Variants in ABR observed in about 807,000 individuals in gnomAD.
ABR encodes the protein ABR activator of RhoGEF and GTPase.
In ABR, 35 loss-of-function variants were observed where a neutral mutation model predicts 107.2. The ratio of observed to expected loss-of-function variants is 0.33; its 90% CI spans 0.25 to 0.43. The LOEUF (loss-of-function observed/expected upper bound fraction) is 0.43, where lower values mean the gene tolerates loss of function less well. Among genes scored for constraint, ABR ranks in the 20% least tolerant of loss-of-function variants. The pLI is 1.00. For missense variants in ABR, 815 were observed against 1,115.2 expected (o/e 0.73, Z 3.83); for synonymous variants, 498 against 462.0 (o/e 1.08, Z -1.00).
intron 1 of ABR, among the ~76,000 whole-genome samples, chr17:1,214,594 G>A (rs1162157014): frequency 1.3e-5 from 2 of 152,044 alleles, no homozygotes; most frequent in East Asian, 3.9e-4. Flanking sequence ...CTGACGTCAG[G>A]AGTTCGAGAC....
Position 1,084,102 on chromosome 17 carries a change from G to A in ABR, c.532-475C>T, listed in dbSNP as rs1387276506. On this transcript the variant is annotated intron_variant, in intron 4 of 22. Transcript: ENST00000302538. The surrounding 1 kb of genome is among the most constrained non-coding windows in gnomAD (Gnocchi z 4.2). Reference sequence around the variant, plus strand: ...GCAGCGTGGGGAACGACATTTAAAGGTGCTGTCTTGGCCGGGCGTGGCGGC... The same window carrying A: ...GCAGCGTGGGGAACGACATTTAAAGATGCTGTCTTGGCCGGGCGTGGCGGC... Among the ~76,000 whole-genome samples, 1 of 152,190 alleles carries A rather than the reference G, an allele frequency of 6.6e-6. No individual in the cohort carries two copies. The highest frequency in any genetic ancestry group is 6.5e-5 in the Admixed American group (1 of 15,276).
intron 22 of ABR, among the ~76,000 whole-genome samples, chr17:1,006,778 C>A (rs2241929): frequency 1.6e-5 from 2 of 126,746 alleles, no homozygotes; most frequent in East Asian, 2.3e-4. Context: ...AGGGTACCTG[C>A]GCCATGACGT....
intron 2 of ABR, among the ~76,000 whole-genome samples, chr17:1,109,413 C>T (rs1321238602): frequency 1.3e-5 from 2 of 151,970 alleles, no homozygotes; most frequent in Non-Finnish European, 1.5e-5. Flanking sequence ...CTCCGGGGCT[C>T]GGGCTCGCGC....
At position 1,142,367 on chromosome 17, in the gene ABR, C is replaced by G. The variant is rs1052563288; in HGVS notation, c.62-17000G>C. On this transcript the variant is annotated intron_variant, in intron 1 of 22. Coordinates refer to ENST00000302538, the MANE Select transcript of ABR (RefSeq NM_021962.5). Reference sequence around the variant, plus strand: ...TGGGAGGCCGAGGCAGGCGGATCACCTGAAGTCGAGAGTTCGAGACCAGCC... The same window carrying G: ...TGGGAGGCCGAGGCAGGCGGATCACGTGAAGTCGAGAGTTCGAGACCAGCC... Among the ~76,000 whole-genome samples, 4 of 151,990 alleles carry G rather than the reference C, an allele frequency of 2.6e-5. No individual in the cohort carries two copies. In the South Asian group the frequency reaches 6.2e-4, roughly 24 times the overall value.
intron 4 of ABR, among the ~76,000 whole-genome samples, chr17:1,090,677 G>A (rs989756979): frequency 6.6e-6 from 1 of 152,208 alleles, no homozygotes; most frequent in Non-Finnish European, 1.5e-5. Context: ...AGGAGAGGGA[G>A]AGTCTTCTCC....
At chr17:1,030,939 CCAGCCCCGAGG>C (rs1465316314) in intron 16 of ABR, among the ~76,000 whole-genome samples, 6 of 152,372 alleles carry the variant, frequency 3.9e-5, no homozygotes, top group Admixed American at 3.3e-4. Flanking sequence ...GGGCCCCAAG[CCAGCCCCGAGG>C]CAGCCTGCCC....
At chr17:1,040,176 G>T (rs1038485344) in intron 16 of ABR, among the ~76,000 whole-genome samples, 1 of 152,148 alleles carries the variant, frequency 6.6e-6, no homozygotes, top group African/African-American at 2.4e-5. Flanking sequence ...GGGGCTCTGG[G>T]CTCACAACCC....
chr17:1,211,767 A>C (rs897287494), intron 1 of ABR, among the ~76,000 whole-genome samples: 2 of 152,152 alleles, frequency 1.3e-5, no homozygotes, highest in Non-Finnish European at 2.9e-5. Flanking sequence ...AATGCTAGCA[A>C]GGTGGGAACA....
intron 3 of ABR, among the ~76,000 whole-genome samples, chr17:1,098,843 T>C (rs766564690): frequency 9.2e-5 from 14 of 152,286 alleles, no homozygotes; most frequent in Non-Finnish European, 1.3e-4. Context: ...TGGAGTGCAA[T>C]GGTGCAAACT....
intron 1 of ABR, among the ~76,000 whole-genome samples, chr17:1,227,433 T>G (rs1259204166): frequency 6.6e-6 from 1 of 152,066 alleles, no homozygotes; most frequent in African/African-American, 2.4e-5. Flanking sequence ...AAGAGACATA[T>G]AAAAATGTTA....
At chr17:1,043,224 G>A (rs2030958221) in intron 16 of ABR, among the ~76,000 whole-genome samples, 1 of 152,214 alleles carries the variant, frequency 6.6e-6, no homozygotes. Flanking sequence ...CTGGAGTGCA[G>A]TGGCATGATC....
At chr17:1,091,942 T>C in intron 3 of ABR, 92 bp from the exon 4 acceptor site, 1 of 1,332,040 alleles carries the variant, frequency 7.5e-7, no homozygotes, top group South Asian at 1.4e-5. Flanking sequence ...CCCTTCCCGC[T>C]GCCCAAGTCC....
At chr17:1,109,838 G>A (rs1567774272) in intron 2 of ABR, among the ~76,000 whole-genome samples, 1 of 151,760 alleles carries the variant, frequency 6.6e-6, no homozygotes, top group African/African-American at 2.4e-5. Flanking sequence ...ACAGGGACCA[G>A]GATCCCCCTC....
rs991430166 is a variant in ABR at position 1,078,164 on chromosome 17, C to T, written c.700+1166G>A. On this transcript the variant is annotated intron_variant, in intron 6 of 22. Transcript: ENST00000302538. The surrounding 1 kb of genome is among the most constrained non-coding windows in gnomAD (Gnocchi z 7.5). ...CAGAGTAGCTTGCCACACCCCTCTC[C>T]CGCTGGCCCTGCCGACCTGCCTTCC... 1.3e-5 allele frequency among the ~76,000 whole-genome samples: 2 copies of T among 151,696 alleles called. No homozygotes were observed. The highest frequency in any genetic ancestry group is 4.8e-5 in the African/African-American group (2 of 41,342).
At chr17:1,073,048 C>T (rs568190682) in intron 7 of ABR, among the ~76,000 whole-genome samples, 10 of 151,878 alleles carry the variant, frequency 6.6e-5, no homozygotes, top group East Asian at 1.9e-4. Context: ...GGCGTGGTGG[C>T]GGGCGCCTGT....
At chr17:1,214,336 T>TGC (rs1417984227) in intron 1 of ABR, among the ~76,000 whole-genome samples, 6 of 124,372 alleles carry the variant, frequency 4.8e-5, no homozygotes, top group Non-Finnish European at 9.9e-5. Context: ...CTAGGATGTG[T>TGC]GTGTATATAT....
intron 2 of ABR, among the ~76,000 whole-genome samples, chr17:1,104,763 G>T (rs540445229): frequency 3.3e-4 from 50 of 152,214 alleles, no homozygotes; most frequent in Non-Finnish European, 6.5e-4. Context: ...GCAGAATTTA[G>T]AACAGAGAAG....
chr17:1,161,920 C>G (rs1567844807), intron 1 of ABR, among the ~76,000 whole-genome samples: 1 of 152,180 alleles, frequency 6.6e-6, no homozygotes, highest in East Asian at 1.9e-4. Flanking sequence ...CGCTACACCA[C>G]TAGCTAATGG....
chr17:1,112,466 G>A (rs966705881), intron 2 of ABR, among the ~76,000 whole-genome samples: 1 of 152,218 alleles, frequency 6.6e-6, no homozygotes, highest in African/African-American at 2.4e-5. Flanking sequence ...GGTTGCAGTG[G>A]CGCACCTGAA....
Sources: allele counts gnomAD v4.1 joint callset (sites outside exome capture counted in the v4.1 genomes callset), GRCh38; gene constraint gnomAD v4.1.1; non-coding constraint Gnocchi (gnomAD v3.1); transcripts MANE v1.5; gene names NCBI Gene and HGNC (gene_info 2026-07-23, HGNC 2026-07-21).